Variants in MRPS31 observed in about 807,000 individuals in gnomAD.
MRPS31 encodes the protein small ribosomal subunit protein mS31.
In MRPS31, 32 loss-of-function variants were observed where a neutral mutation model predicts 43.1. The observed-to-expected ratio is 0.74, with a 90% CI of 0.56 to 1.00. The LOEUF is 1.00. Ranked by LOEUF, MRPS31 falls within the 50% of genes least tolerant of loss-of-function variation. The probability of loss-of-function intolerance (pLI) is 0.00; values close to 1 mark genes in which losing one functional copy is unlikely to be tolerated. For missense variants in MRPS31, 437 were observed against 466.7 expected, an observed-to-expected ratio of 0.94 and a Z score of 0.59; for synonymous variants, 165 against 161.6, an observed-to-expected ratio of 1.02 and a Z score of -0.16.
intron 2 of MRPS31, among the ~76,000 whole-genome samples, chr13:40,761,073 T>C (rs1365146199): frequency 6.6e-6 from 1 of 151,556 alleles, no homozygotes; most frequent in Non-Finnish European, 1.5e-5. Context: ...GCCCAGGAGT[T>C]TGAGACCAGC....
rs763077902 is a variant in MRPS31, at chr13:40,729,518, G to A, written c.1042C>T (p.Arg348Cys). 6.4e-5 allele frequency: 103 copies of A among 1,613,864 alleles called. No individual in the cohort carries two copies. The highest frequency in any genetic ancestry group is 1.6e-4 in the Middle Eastern group (1 of 6,084). The stretch of plus-strand genomic sequence containing the variant: ...CAAGTCACCAGCTCCATGAAGTGGC[G>A]AATTGGTCCTTGTTTTGGAAAGCTC... The part of the protein sequence containing the change: ...LESFPKQGPI[R>C]HFMELVTCGL... Residue 348 changes from arginine (R) to cysteine (C), a missense_variant, in exon 7 of 7, where the codon CGC (arginine) becomes TGC (cysteine). Transcript: ENST00000323563.
In MRPS31 at chr13:40,754,048, A is replaced by G. The variant is rs1247356383; in HGVS notation, c.785T>C (p.Met262Thr). 1 of 1,601,082 alleles carries G rather than the reference A, an allele frequency of 6.2e-7. No homozygotes were observed. The highest frequency in any genetic ancestry group is 1.3e-5 in the African/African-American group (1 of 74,480). The change falls in exon 5 of 7, where the codon ATG (methionine) becomes ACG (threonine). Residue 262 changes from methionine (M) to threonine (T), a missense_variant. Met to Thr is a moderately conservative substitution (Grantham distance 81, BLOSUM62 -1). Coordinates refer to ENST00000323563, the MANE Select transcript of MRPS31 (RefSeq NM_005830.4). ...TGKRLNIFDM[M>T]AVTKEAPETD... ...TTCAGGTGCTTCTTTAGTAACTGCC[A>G]TCATGTCAAAAATATTAAGTCTTTT...
chr13:40,749,101 TCAATA>T (rs1448153841), intron 6 of MRPS31, 32 bp downstream of exon 6: 1 of 1,561,790 alleles, frequency 6.4e-7, no homozygotes, highest in Non-Finnish European at 8.6e-7. Flanking sequence ...ATAATCTCAA[TCAATA>T]CGTTTTATAA....
chr13:40,759,206 G>A (rs1417835783), intron 2 of MRPS31, 100 bp from the exon 3 acceptor site: 4 of 863,962 alleles, frequency 4.6e-6, no homozygotes, highest in Admixed American at 3.4e-5. Flanking sequence ...GGGAAGCCGA[G>A]GCAGACAGAT....
intron 6 of MRPS31, 130 bp from the exon 7 acceptor site, chr13:40,729,731 T>A (rs966197477): frequency 1.3e-5 from 2 of 151,600 alleles, no homozygotes; most frequent in African/African-American, 6.2e-5. Flanking sequence ...CTAGGTTGCA[T>A]TTTTTTTTTT....
chr13:40,740,958 A>C (rs993230343), intron 6 of MRPS31, among the ~76,000 whole-genome samples: 3 of 149,926 alleles, frequency 2.0e-5, no homozygotes, highest in Admixed American at 6.7e-5. Flanking sequence ...AAAAAAAAAA[A>C]CAACAAAGAA....
At chr13:40,732,973 A>G (rs1419230055) in intron 6 of MRPS31, among the ~76,000 whole-genome samples, 5 of 151,088 alleles carry the variant, frequency 3.3e-5, no homozygotes, top group Admixed American at 6.6e-5. Context: ...AAAAAGAAGA[A>G]GAACAGCAAC....
chr13:40,767,448 C>T (rs761297466), intron 1 of MRPS31, among the ~76,000 whole-genome samples: 1 of 152,252 alleles, frequency 6.6e-6, no homozygotes, highest in Non-Finnish European at 1.5e-5. Context: ...CATGTCTCAT[C>T]TTGTGAAATA....
intron 6 of MRPS31, among the ~76,000 whole-genome samples, chr13:40,738,351 C>T (rs1394802125): frequency 6.6e-6 from 1 of 152,088 alleles, no homozygotes; most frequent in East Asian, 1.9e-4. Flanking sequence ...CTGAATTCTA[C>T]CAGAGGTACA....
intron 2 of MRPS31, among the ~76,000 whole-genome samples, chr13:40,765,171 G>C (rs536849500): frequency 1.3e-5 from 2 of 152,236 alleles, no homozygotes; most frequent in African/African-American, 4.8e-5. Flanking sequence ...CCTCTTCTTT[G>C]AACATAGGAC....
At chr13:40,753,413 T>C (rs938343209) in intron 5 of MRPS31, among the ~76,000 whole-genome samples, 1 of 152,244 alleles carries the variant, frequency 6.6e-6, no homozygotes, top group Non-Finnish European at 1.5e-5. Flanking sequence ...TCTGGACCTC[T>C]GGATTCGGTA....
At chr13:40,754,767 G>A (rs1233054388) in intron 4 of MRPS31, among the ~76,000 whole-genome samples, 4 of 152,166 alleles carry the variant, frequency 2.6e-5, no homozygotes, top group South Asian at 2.1e-4. Context: ...GGTGGCTCAC[G>A]CCTGTAATCC....
chr13:40,731,408 C>G (rs1406930057), intron 6 of MRPS31, among the ~76,000 whole-genome samples: 1 of 151,148 alleles, frequency 6.6e-6, no homozygotes, highest in Non-Finnish European at 1.5e-5. Flanking sequence ...GTGGTGAAAC[C>G]CCGTCTCTAC....
chr13:40,734,064 G>A (rs1407949528), intron 6 of MRPS31, among the ~76,000 whole-genome samples: 1 of 152,038 alleles, frequency 6.6e-6, no homozygotes, highest in Non-Finnish European at 1.5e-5. Flanking sequence ...GAGAGGTGGA[G>A]GTTGCAGTGA....
At chr13:40,745,632 CT>C (rs1226674099) in intron 6 of MRPS31, among the ~76,000 whole-genome samples, 1 of 152,130 alleles carries the variant, frequency 6.6e-6, no homozygotes, top group African/African-American at 2.4e-5. Flanking sequence ...TACACTGTGG[CT>C]TGTCTTTTTA....
At chr13:40,755,242 G>A (rs1252879523) in intron 4 of MRPS31, among the ~76,000 whole-genome samples, 2 of 152,078 alleles carry the variant, frequency 1.3e-5, no homozygotes, top group South Asian at 4.1e-4. Flanking sequence ...AGGCTTTTAC[G>A]CTCCATAACT....
At chr13:40,770,920 G>A in intron 1 of MRPS31, 65 bp downstream of exon 1, 1 of 1,596,322 alleles carries the variant, frequency 6.3e-7, no homozygotes, top group Non-Finnish European at 8.6e-7. Context: ...CCAGCAGGTG[G>A]TAACATCGAC....
chr13:40,761,601 T>C (rs1161185201), intron 2 of MRPS31, among the ~76,000 whole-genome samples: 1 of 152,066 alleles, frequency 6.6e-6, no homozygotes, highest in Admixed American at 6.5e-5. Context: ...TCTTTCTTCA[T>C]ATATTTTAAC....
intron 1 of MRPS31, 107 bp downstream of exon 1, chr13:40,770,878 T>C (rs1880986838): frequency 7.1e-7 from 1 of 1,402,392 alleles, no homozygotes; most frequent in Non-Finnish European, 1.0e-6. Flanking sequence ...GGATTTCTCT[T>C]TCCTCAGATT....
Sources: gnomAD v4.1 joint callset for allele counts (sites outside exome capture counted in the v4.1 genomes callset) on GRCh38, gnomAD v4.1.1 for gene constraint, MANE v1.5 for transcripts, NCBI Gene and HGNC (gene_info 2026-07-23, HGNC 2026-07-21) for gene names.